OFD1: variants seen among roughly 807,000 people sequenced by gnomAD.
The protein encoded by OFD1 is centriole and centriolar satellite protein OFD1.
OFD1 carries 12 observed loss-of-function variants against 81.4 expected under a neutral mutation model. That is an observed-to-expected ratio of 0.15 (90% CI 0.09 to 0.24). OFD1 has a LOEUF of 0.24. Ranked by LOEUF, OFD1 falls within the 10% of genes least tolerant of loss-of-function variation. The pLI, the probability that OFD1 is intolerant of heterozygous loss-of-function variation, is 1.00. For missense variants in OFD1, 685 were observed against 733.9 expected, an observed-to-expected ratio of 0.93 and a Z score of 0.77; for synonymous variants, 256 against 263.7, an observed-to-expected ratio of 0.97 and a Z score of 0.28.
downstream of OFD1, among the ~76,000 whole-genome samples, chrX:13,769,820 C>G (rs4830892): frequency 5.4e-5 from 6 of 110,336 alleles, no homozygotes; most frequent in Admixed American, 3.9e-4. Flanking sequence ...TCTTGGAAGC[C>G]GAGACCGGGC....
chrX:13,767,337 G>T (rs971233778), intron 20 of OFD1, 53 bp downstream of exon 20: 2 of 1,155,989 alleles, frequency 1.7e-6, no homozygotes, highest in Non-Finnish European at 2.4e-6. Flanking sequence ...TACACCTTTC[G>T]TAAGTACATT....
chrX:13,762,552 C>A, intron 18 of OFD1, 108 bp downstream of exon 18: 1 of 505,457 alleles, frequency 2.0e-6, no homozygotes, highest in South Asian at 3.0e-5. Context: ...CAAATTGGGT[C>A]ATTATTATTT....
chrX:13,751,516 C>G, intron 10 of OFD1, 148 bp downstream of exon 10: 1 of 491,880 alleles, frequency 2.0e-6, no homozygotes, highest in Non-Finnish European at 3.4e-6. Context: ...TCAATCCTTT[C>G]CTGCATTTGA....
upstream of OFD1, among the ~76,000 whole-genome samples, chrX:13,730,838 G>A (rs1602744923): frequency 1.0e-5 from 1 of 100,248 alleles, no homozygotes; most frequent in Non-Finnish European, 2.0e-5. Flanking sequence ...AACACTGCAT[G>A]TTCTCACTCA....
In OFD1 at chrX:13,764,122, T is replaced by C. The variant is rs2048034988; in HGVS notation, c.2599+267T>C. On this transcript the variant is annotated intron_variant, in intron 19 of 22. Transcript: ENST00000340096. ...CTTCCCAGGCCAGTTGCTTAAAAAG[T>C]GTTTTCATTTACTCTTCAGTGCCTG... Among the ~76,000 whole-genome samples, 3 of 111,925 alleles carry C rather than the reference T, an allele frequency of 2.7e-5. No individual in the cohort carries two copies. The Admixed American group carries it at 2.8e-4, about 11-fold the overall frequency.
chrX:13,743,366 C>T (rs1333365071), intron 5 of OFD1, among the ~76,000 whole-genome samples: 2 of 112,304 alleles, frequency 1.8e-5, no homozygotes, highest in Non-Finnish European at 3.8e-5. Flanking sequence ...ATGTATTTAA[C>T]CCCCTATTGA....
At chrX:13,772,937 G>T (rs527814841), downstream of OFD1, 2 of 1,209,555 alleles carry the variant, frequency 1.7e-6, no homozygotes, top group Non-Finnish European at 2.2e-6. Context: ...TGCAGTTCCT[G>T]TTCTTCCTTT....
At chrX:13,767,876 C>T (rs2048191607) in intron 20 of OFD1, 178 bp from the exon 21 acceptor site, 4 of 441,275 alleles carry the variant, frequency 9.1e-6, no homozygotes, top group Non-Finnish European at 1.6e-5. Flanking sequence ...TACCTTCCTT[C>T]ATTGAGATGA....
intron 6 of OFD1, among the ~76,000 whole-genome samples, chrX:13,746,084 G>A (rs1052112480): frequency 3.6e-5 from 4 of 111,462 alleles, no homozygotes; most frequent in Admixed American, 1.9e-4. Context: ...CAATTTTAGC[G>A]AACACTTGTA....
intron 8 of OFD1, among the ~76,000 whole-genome samples, chrX:13,747,172 A>C (rs73197716): frequency 1.8e-5 from 2 of 112,053 alleles, no homozygotes; most frequent in African/African-American, 6.5e-5. Flanking sequence ...GAGGTGAACA[A>C]TCAAGTTGGG....
the OFD1 span, among the ~76,000 whole-genome samples, chrX:13,722,846 G>A: frequency 9.0e-5 from 10 of 111,388 alleles, no homozygotes; most frequent in East Asian, 1.7e-3. Flanking sequence ...GGCGGATCAC[G>A]AGGTCAGGAG....
Position 13,768,033 on chromosome X carries a change from GT to G in OFD1, c.2758-17del. ...TTACAAATGTATTTGTGTATTTTCT[GT>G]TTTGGTGCCTGTTTTATAGAAGATG... On this transcript the variant is annotated intron_variant, in intron 20 of 22. Transcript: ENST00000340096. 1 of 1,165,773 alleles carries G rather than the reference GT, an allele frequency of 8.6e-7. No individual in the cohort carries two copies. Among genetic ancestry groups the G allele is most frequent in the Non-Finnish European group, 1.2e-6 (1 of 854,449 alleles).
At chrX:13,730,749 G>A (rs2046657790), upstream of OFD1, among the ~76,000 whole-genome samples, 1 of 111,297 alleles carries the variant, frequency 9.0e-6, no homozygotes, top group South Asian at 3.8e-4. Flanking sequence ...AAAAAAGGAT[G>A]AGTTCATGTC....
chrX:13,739,040 C>A lies in OFD1; in HGVS notation c.412+8C>A, dbSNP rs756601343. 1 of 1,200,267 alleles carries A rather than the reference C, an allele frequency of 8.3e-7. No homozygotes were observed. Among genetic ancestry groups the A allele is most frequent in the South Asian group, 1.8e-5 (1 of 56,420 alleles). On this transcript the variant is annotated splice_region_variant and intron_variant, in intron 5 of 22. Transcript: ENST00000340096. ...ATAAAGAAAATCAAAAAGGTAGGAG[C>A]CGTCATCTTTGTAGAGAACAGCAAC...
rs762218314 is a variant in OFD1, at chrX:13,768,729, G to C, written c.2940G>C (p.Lys980Asn). ...DQESADKSSK[K>N]MVQEGSLVDT... is the part of the protein sequence containing the mutation. ...CTCCATGTAATCAGAGCTCAAAAAA[G>C]ATGGTCCAAGAAGGCTCCCTAGTGG... Residue 980 changes from lysine to asparagine, a missense_variant, in exon 22 of 23, where the codon AAG (lysine) becomes AAC (asparagine). Lys to Asn is a moderately conservative substitution (Grantham distance 94, BLOSUM62 0). Coordinates refer to ENST00000340096, the MANE Select transcript of OFD1 (RefSeq NM_003611.3). The C allele has an allele frequency of 1.4e-5, 17 of 1,207,903 alleles. No individual in the cohort carries two copies. The highest frequency in any genetic ancestry group is 1.9e-5 in the Non-Finnish European group (17 of 893,472).
In OFD1 at chrX:13,763,780, GGGCTTT is replaced by G; in HGVS notation, c.2525_2530del (p.Gly842_Ser844delinsAla). ...CATGCCAAGGCAGTTGGAAATGGGC[GGGCTTT>G]CTCCTGCCGGGGATATGTCTCATGT... On this transcript the variant is annotated inframe_deletion, in exon 19 of 23. Transcript: ENST00000340096. 2 of 1,211,228 alleles carry G rather than the reference GGGCTTT, an allele frequency of 1.7e-6. No homozygotes were observed. The highest frequency in any genetic ancestry group is 2.2e-6 in the Non-Finnish European group (2 of 895,220).
chrX:13,756,888 T>C, intron 13 of OFD1, 121 bp downstream of exon 13: 3 of 602,380 alleles, frequency 5.0e-6, no homozygotes, highest in Non-Finnish European at 8.2e-6. Flanking sequence ...ATTTATAAAA[T>C]TAAGATTCTT....
upstream of OFD1, among the ~76,000 whole-genome samples, chrX:13,729,963 A>G (rs1175859770): frequency 2.7e-5 from 3 of 112,131 alleles, no homozygotes; most frequent in Non-Finnish European, 5.6e-5. Flanking sequence ...AAAACCATAA[A>G]AACTCTAGAG....
At chrX:13,761,874 C>T (rs894814978) in intron 17 of OFD1, among the ~76,000 whole-genome samples, 2 of 104,484 alleles carry the variant, frequency 1.9e-5, no homozygotes, top group Non-Finnish European at 3.9e-5. Context: ...ATGTAGTTCT[C>T]TGCCACATGG....
Sources: allele counts gnomAD v4.1 joint callset (sites outside exome capture counted in the v4.1 genomes callset), GRCh38; gene constraint gnomAD v4.1.1; transcripts MANE v1.5; gene names NCBI Gene and HGNC (gene_info 2026-07-23, HGNC 2026-07-21).